VPS13A: variants seen among roughly 807,000 people sequenced by gnomAD.
VPS13A encodes vacuolar protein sorting 13 homolog A, also known as intermembrane lipid transfer protein VPS13A.
In VPS13A, 264 loss-of-function variants were observed where a neutral mutation model predicts 390.9. That is an observed-to-expected ratio of 0.68 (90% CI 0.61 to 0.75). The LOEUF (loss-of-function observed/expected upper bound fraction) is 0.75. Among genes scored for constraint, VPS13A ranks in the 30% least tolerant of loss-of-function variants. The probability of loss-of-function intolerance (pLI) is 0.00; values close to 1 mark genes in which losing one functional copy is unlikely to be tolerated. For missense variants in VPS13A, 3,409 were observed against 3,733.9 expected, an observed-to-expected ratio of 0.91 and a Z score of 2.27; for synonymous variants, 1,231 against 1,227.1, an observed-to-expected ratio of 1.00 and a Z score of -0.07.
intron 45 of VPS13A, among the ~76,000 whole-genome samples, chr9:77,327,078 T>C (rs376159165): frequency 6.6e-6 from 1 of 152,306 alleles, no homozygotes; most frequent in African/African-American, 2.4e-5. Context: ...AAACTCACTC[T>C]CCAGACAGCA....
intron 45 of VPS13A, among the ~76,000 whole-genome samples, chr9:77,329,404 A>G (rs1006730007): frequency 3.9e-5 from 6 of 152,126 alleles, no homozygotes; most frequent in African/African-American, 1.4e-4. Flanking sequence ...TTTGCTTTTG[A>G]TTTAAAAGTG....
intron 29 of VPS13A, 56 bp downstream of exon 29, chr9:77,282,330 A>G (rs565157901): frequency 2.7e-6 from 4 of 1,482,536 alleles, no homozygotes; most frequent in African/African-American, 2.8e-5. Flanking sequence ...ATGTAGGTCA[A>G]TAAATCTAGA....
intron 35 of VPS13A, among the ~76,000 whole-genome samples, chr9:77,308,361 C>T (rs1362454629): frequency 6.6e-6 from 1 of 151,984 alleles, no homozygotes; most frequent in East Asian, 1.9e-4. Context: ...ATGAAAGTTC[C>T]TAGTTCTGTT....
chr9:77,307,120 T>A (rs1828803246), intron 34 of VPS13A, among the ~76,000 whole-genome samples: 1 of 152,022 alleles, frequency 6.6e-6, no homozygotes, highest in Non-Finnish European at 1.5e-5. Context: ...GCTGGGCTGT[T>A]CTCTTAACTC....
Position 77,420,002 on chromosome 9 carries a change from C to T in VPS13A, c.*3996C>T, listed in dbSNP as rs1214250037. ...CCAAGTAGAAAATGTAAATAACTTA[C>T]ATTCTGTATGCAGGACTCAATACAG... On this transcript the variant is annotated 3_prime_UTR_variant, in exon 72 of 72. Coordinates refer to ENST00000360280, the MANE Select transcript of VPS13A (RefSeq NM_033305.3). 6.6e-6 allele frequency: 1 copy of T among 152,208 alleles called. No homozygotes were observed. Among genetic ancestry groups the T allele is most frequent in the East Asian group, 1.9e-4 (1 of 5,198 alleles). The allele number at this position is 152,208 out of a possible 1,614,324, so 9.4% of individuals were successfully genotyped here.
At chr9:77,260,016 T>A (rs1322437552) in intron 22 of VPS13A, 70 bp from the exon 23 acceptor site, 4 of 1,011,952 alleles carry the variant, frequency 4.0e-6, no homozygotes, top group Non-Finnish European at 5.8e-6. Flanking sequence ...TTGAGAACAG[T>A]CTTTTTAATT....
At chr9:77,347,059 C>T (rs1831197056) in intron 52 of VPS13A, among the ~76,000 whole-genome samples, 1 of 152,164 alleles carries the variant, frequency 6.6e-6, no homozygotes, top group East Asian at 1.9e-4. Flanking sequence ...ATTTTTATAC[C>T]AGTACCATGC....
intron 67 of VPS13A, among the ~76,000 whole-genome samples, chr9:77,377,394 T>C (rs969895257): frequency 6.6e-6 from 1 of 151,910 alleles, no homozygotes; most frequent in Admixed American, 6.5e-5. Context: ...TAATTTTTTG[T>C]ATTTTTAGTA....
At chr9:77,380,881 C>T (rs899936272) in intron 67 of VPS13A, among the ~76,000 whole-genome samples, 4 of 152,264 alleles carry the variant, frequency 2.6e-5, no homozygotes, top group South Asian at 2.1e-4. Flanking sequence ...AATCTGATGC[C>T]GCTGCTGATA....
chr9:77,195,764 C>CTTTATT (rs59803076), intron 1 of VPS13A, among the ~76,000 whole-genome samples: 8,201 of 152,030 alleles, frequency 0.054, 327 homozygotes, highest in South Asian at 0.12. Context: ...AAAACGAATG[C>CTTTATT]TTTATTTTTA....
rs368320357 is a variant in VPS13A at position 77,247,101 on chromosome 9, T to C, written c.1901-158T>C. Among the ~76,000 whole-genome samples, 3 of 152,162 alleles carry C rather than the reference T, an allele frequency of 2.0e-5. No individual in the cohort carries two copies. The East Asian group carries it at 5.8e-4, about 29-fold the overall frequency. ...AAATAGGAGTACATGCATTGGCAGG[T>C]ATTTTAAATTTTATATTGGAAGTAT... On this transcript the variant is annotated intron_variant, in intron 19 of 71. Transcript: ENST00000360280.
chr9:77,212,923 C>G (rs772782295), intron 7 of VPS13A, 46 bp from the exon 8 acceptor site: 2 of 1,594,072 alleles, frequency 1.3e-6, no homozygotes, highest in Non-Finnish European at 8.6e-7. Context: ...TCTGCTGTTT[C>G]AAATGGAATG....
At chr9:77,406,784 T>C (rs965408415) in intron 70 of VPS13A, among the ~76,000 whole-genome samples, 4 of 152,068 alleles carry the variant, frequency 2.6e-5, no homozygotes, top group African/African-American at 9.7e-5. Context: ...GCATGGATAG[T>C]TGAATTACTT....
chr9:77,177,641 G>C lies in VPS13A; in HGVS notation c.-64G>C, dbSNP rs2131029649. On this transcript the variant is annotated 5_prime_UTR_variant, in exon 1 of 72. Transcript: ENST00000360280. ...AACCGAATTACCTCGAGGGAGGGGCGTGGGGAAGGCGGCGGGAGGAGGAGC... is the reference window on the plus strand; with the variant it reads ...AACCGAATTACCTCGAGGGAGGGGCCTGGGGAAGGCGGCGGGAGGAGGAGC... The C allele has an allele frequency of 1.4e-6, 2 of 1,475,994 alleles. No homozygotes were observed. Among genetic ancestry groups the C allele is most frequent in the African/African-American group, 1.4e-5 (1 of 72,314 alleles). The allele number at this position is 1,475,994 out of a possible 1,614,324, so 91.4% of individuals were successfully genotyped here.
At chr9:77,227,546 AG>A in intron 16 of VPS13A, 61 bp downstream of exon 16, 2 of 1,322,522 alleles carry the variant, frequency 1.5e-6, no homozygotes, top group Non-Finnish European at 2.1e-6. Context: ...GTTTAGAGAC[AG>A]GGTCTCACTC....
chr9:77,342,914 A>G (rs531408094), intron 50 of VPS13A, among the ~76,000 whole-genome samples: 1 of 152,198 alleles, frequency 6.6e-6, no homozygotes, highest in Non-Finnish European at 1.5e-5. Context: ...GGAAACCTTG[A>G]ACAAAGTGTC....
At chr9:77,208,919 T>C (rs1214139123) in intron 5 of VPS13A, among the ~76,000 whole-genome samples, 1 of 152,202 alleles carries the variant, frequency 6.6e-6, no homozygotes, top group Non-Finnish European at 1.5e-5. Flanking sequence ...TTTCTGAACA[T>C]GAAATAGTTG....
At chr9:77,410,656 A>AAAAC (rs1834876531) in intron 71 of VPS13A, among the ~76,000 whole-genome samples, 2 of 152,192 alleles carry the variant, frequency 1.3e-5, no homozygotes, top group Non-Finnish European at 2.9e-5. Flanking sequence ...AGTCTCTGAT[A>AAAAC]AAACAGACTT....
intron 54 of VPS13A, among the ~76,000 whole-genome samples, chr9:77,354,379 G>C (rs2131548275): frequency 6.6e-6 from 1 of 151,928 alleles, no homozygotes; most frequent in East Asian, 1.9e-4. Context: ...ATATTCTTAA[G>C]AATTTTTATT....
Sources: gnomAD v4.1 joint callset for allele counts (sites outside exome capture counted in the v4.1 genomes callset) on GRCh38, gnomAD v4.1.1 for gene constraint, MANE v1.5 for transcripts, NCBI Gene and HGNC (gene_info 2026-07-23, HGNC 2026-07-21) for gene names.